The following FAM83B variants were observed in gnomAD, a reference collection of about 807,000 sequenced individuals.
The protein encoded by FAM83B is scaffolding CK1 anchoring protein B, also known as protein FAM83B.
Under a neutral mutation model 38.8 loss-of-function variants are expected in FAM83B, and 26 were observed. The observed-to-expected ratio is 0.67, with a 90% CI of 0.49 to 0.93. The LOEUF (loss-of-function observed/expected upper bound fraction) is 0.93, where lower values mean the gene tolerates loss of function less well. Ranked by LOEUF, FAM83B falls within the 40% of genes least tolerant of loss-of-function variation. The pLI is 0.00. For synonymous variants in FAM83B, 419 were observed against 423.1 expected, an observed-to-expected ratio of 0.99 and a Z score of 0.12; for missense variants, 1,237 against 1,197.3, an observed-to-expected ratio of 1.03 and a Z score of -0.49.
intron 2 of FAM83B, among the ~76,000 whole-genome samples, chr6:54,921,035 T>A (rs1156353135): frequency 6.6e-6 from 1 of 151,964 alleles, no homozygotes; most frequent in Non-Finnish European, 1.5e-5. Context: ...TCAATAAACA[T>A]TTGTTAGAAT....
intron 2 of FAM83B, among the ~76,000 whole-genome samples, chr6:54,872,889 C>T (rs1449652885): frequency 6.6e-6 from 1 of 151,756 alleles, no homozygotes; most frequent in African/African-American, 2.4e-5. Context: ...ACTTGTATAG[C>T]TATAGCTAAG....
intron 2 of FAM83B, among the ~76,000 whole-genome samples, chr6:54,892,584 G>C (rs1369067509): frequency 6.6e-6 from 1 of 151,372 alleles, no homozygotes; most frequent in Non-Finnish European, 1.5e-5. Context: ...CCCTGTTCCT[G>C]CAAAGGACAT....
chr6:54,879,197 G>T (rs1007639854), intron 2 of FAM83B, among the ~76,000 whole-genome samples: 8 of 152,190 alleles, frequency 5.3e-5, no homozygotes, highest in African/African-American at 1.9e-4. Context: ...ATCTCTAGAT[G>T]AGGGTTCACA....
At chr6:54,939,586 A>G (rs993567824) in intron 4 of FAM83B, 120 bp from the exon 5 acceptor site, 83 of 924,646 alleles carry the variant, frequency 9.0e-5, no homozygotes, top group Non-Finnish European at 1.2e-4. Flanking sequence ...AAAATATTCT[A>G]AATAATGATA....
chr6:54,876,121 A>G (rs1340905280), intron 2 of FAM83B, among the ~76,000 whole-genome samples: 2 of 152,002 alleles, frequency 1.3e-5, no homozygotes, highest in East Asian at 3.9e-4. Flanking sequence ...TTATTTAAAA[A>G]TTGACAACTG....
chr6:54,936,336 G>A (rs887251116), intron 4 of FAM83B, among the ~76,000 whole-genome samples: 5 of 151,928 alleles, frequency 3.3e-5, no homozygotes, highest in Admixed American at 6.6e-5. Context: ...ATTTAATAAC[G>A]TATGGATGTT....
At chr6:54,890,302 A>G (rs1363744319) in intron 2 of FAM83B, among the ~76,000 whole-genome samples, 1 of 152,140 alleles carries the variant, frequency 6.6e-6, no homozygotes, top group Non-Finnish European at 1.5e-5. Context: ...CCAAGTTGAA[A>G]AATTGTGCAG....
chr6:54,912,891 G>A (rs1323898485), intron 2 of FAM83B, among the ~76,000 whole-genome samples: 1 of 151,940 alleles, frequency 6.6e-6, no homozygotes, highest in Non-Finnish European at 1.5e-5. Flanking sequence ...CAGGAGATTA[G>A]GTAGATAGAA....
chr6:54,935,613 C>T (rs1329082313), intron 4 of FAM83B, among the ~76,000 whole-genome samples: 1 of 152,026 alleles, frequency 6.6e-6, no homozygotes, highest in Non-Finnish European at 1.5e-5. Context: ...GGTAAGGAGC[C>T]TGAATTTTCT....
In FAM83B at chr6:54,940,914, C is replaced by T; in HGVS notation, c.1943C>T (p.Thr648Ile). Residue 648 changes from threonine (T) to isoleucine (I), a missense_variant, in exon 5 of 5, where the codon ACA (threonine) becomes ATA (isoleucine). Physicochemically the swap from Thr to Ile is moderately conservative, Grantham distance 89. Coordinates refer to ENST00000306858, the MANE Select transcript of FAM83B (RefSeq NM_001010872.3). Reference sequence around the variant, plus strand: ...AAAACCTTGGGTGTAAATAAGCAGACAGAAAATCTAAAGAATCAACAGACT... The same window carrying T: ...AAAACCTTGGGTGTAAATAAGCAGATAGAAAATCTAAAGAATCAACAGACT... ...IYKTLGVNKQ[T>I]ENLKNQQTEN... The T allele has an allele frequency of 6.2e-7, 1 of 1,613,250 alleles. No homozygotes were observed. Among genetic ancestry groups the T allele is most frequent in the Non-Finnish European group, 8.5e-7 (1 of 1,179,834 alleles).
intron 2 of FAM83B, among the ~76,000 whole-genome samples, chr6:54,925,335 C>T (rs942068737): frequency 2.0e-5 from 3 of 152,012 alleles, no homozygotes; most frequent in South Asian, 2.1e-4. Flanking sequence ...TTATGTCTTC[C>T]CCCACTAGAA....
At position 54,870,695 on chromosome 6, in the gene FAM83B, TAAC is replaced by T; in HGVS notation, c.444+7_444+9del. ...ATGATAAAAGAAGCAAGAAAGGTAA[TAAC>T]ATTTCTATTTTGAAATGAAAAATTT... On this transcript the variant is annotated splice_donor_region_variant and intron_variant, in intron 2 of 4. Transcript: ENST00000306858. 1.9e-6 allele frequency: 3 copies of T among 1,572,258 alleles called. No homozygotes were observed. Among genetic ancestry groups the T allele is most frequent in the African/African-American group, 1.4e-5 (1 of 72,570 alleles).
intron 2 of FAM83B, among the ~76,000 whole-genome samples, chr6:54,918,448 T>G (rs1468725316): frequency 1.3e-5 from 2 of 152,142 alleles, no homozygotes; most frequent in African/African-American, 4.8e-5. Context: ...TTTAATTGAC[T>G]CAGAGTTCTG....
chr6:54,925,770 T>C (rs1773273595), intron 2 of FAM83B, among the ~76,000 whole-genome samples: 1 of 151,302 alleles, frequency 6.6e-6, no homozygotes, highest in African/African-American at 2.4e-5. Flanking sequence ...TCTTCAGGGC[T>C]GACTGTGACT....
chr6:54,856,883 C>T (rs1771458639), intron 1 of FAM83B, among the ~76,000 whole-genome samples: 1 of 152,036 alleles, frequency 6.6e-6, no homozygotes, highest in Admixed American at 6.6e-5. Flanking sequence ...GGCTCTTTAA[C>T]CAAGTGAAAA....
intron 1 of FAM83B, among the ~76,000 whole-genome samples, chr6:54,862,472 GTTC>G (rs1480861712): frequency 6.6e-6 from 1 of 152,178 alleles, no homozygotes; most frequent in African/African-American, 2.4e-5. Flanking sequence ...ACAGACTTGA[GTTC>G]TTACCCAGGA....
intron 1 of FAM83B, among the ~76,000 whole-genome samples, chr6:54,861,016 C>T (rs2127573233): frequency 6.6e-6 from 1 of 152,320 alleles, no homozygotes; most frequent in Non-Finnish European, 1.5e-5. Context: ...AGGTGATCTG[C>T]TTGCCTTGGC....
chr6:54,915,737 C>T lies in FAM83B; in HGVS notation c.445-10634C>T, dbSNP rs1443126674. Among the ~76,000 whole-genome samples the T allele has an allele frequency of 1.6e-4, 14 of 88,582 alleles. 3 individuals carry two copies. Among genetic ancestry groups the T allele is most frequent in the African/African-American group, 7.9e-4 (11 of 13,888 alleles). 58.1% of individuals were successfully genotyped at this position (88,582 alleles called of 152,430 possible). A position where few individuals can be genotyped will look rare whatever the true frequency, so the allele number is the denominator to read the frequency against. On this transcript the variant is annotated intron_variant, in intron 2 of 4. Coordinates refer to ENST00000306858, the MANE Select transcript of FAM83B (RefSeq NM_001010872.3). ...AGGAGAATGGCGTGAACCCGGGAAG[C>T]GGAGCTTGCAGTGAGCCGAGATTGC...
rs569422166 is a variant in FAM83B, at chr6:54,930,850, C to T, written c.734+3218C>T. Reference sequence around the variant, plus strand: ...AAATACATGTACATATGGTATAGGTCATATTTTTCATATTTTATTACATGC... The same window carrying T: ...AAATACATGTACATATGGTATAGGTTATATTTTTCATATTTTATTACATGC... On this transcript the variant is annotated intron_variant, in intron 4 of 4. Coordinates refer to ENST00000306858, the MANE Select transcript of FAM83B (RefSeq NM_001010872.3). Among the ~76,000 whole-genome samples the T allele has an allele frequency of 4.0e-4, 61 of 151,934 alleles. 1 individual carries two copies. Among genetic ancestry groups the T allele is most frequent in the Non-Finnish European group, 6.9e-4 (47 of 67,968 alleles).
Sources: gnomAD v4.1 joint callset for allele counts (sites outside exome capture counted in the v4.1 genomes callset) on GRCh38, gnomAD v4.1.1 for gene constraint, MANE v1.5 for transcripts, NCBI Gene and HGNC (gene_info 2026-07-23, HGNC 2026-07-21) for gene names.